RARB: variants seen among roughly 807,000 people sequenced by gnomAD.
RARB encodes retinoic acid receptor beta.
RARB carries 17 observed loss-of-function variants against 51.9 expected under a neutral mutation model. That is an observed-to-expected ratio of 0.33 (90% CI 0.22 to 0.49). The LOEUF (loss-of-function observed/expected upper bound fraction) is 0.49, where lower values mean the gene tolerates loss of function less well. Among genes scored for constraint, RARB ranks in the 20% least tolerant of loss-of-function variants. The probability of loss-of-function intolerance (pLI) is 0.99; values close to 1 mark genes in which losing one functional copy is unlikely to be tolerated. For missense variants in RARB, 369 were observed against 550.8 expected, an observed-to-expected ratio of 0.67 and a Z score of 3.30; for synonymous variants, 215 against 195.4, an observed-to-expected ratio of 1.10 and a Z score of -0.84.
chr3:25,040,778 TTG>T (rs1698096815), intron 2 of RARB, among the ~76,000 whole-genome samples: 1 of 152,134 alleles, frequency 6.6e-6, no homozygotes, highest in Non-Finnish European at 1.5e-5. Flanking sequence ...CAACCAAACT[TTG>T]TAGAACATTT....
intron 5 of RARB, among the ~76,000 whole-genome samples, chr3:25,350,302 G>GT (rs1341483512): frequency 6.6e-6 from 1 of 152,174 alleles, no homozygotes; most frequent in Non-Finnish European, 1.5e-5. Context: ...ACTCCCTACT[G>GT]TTTCGGAGCT....
chr3:24,886,664 A>G (rs904032501), intron 2 of RARB, among the ~76,000 whole-genome samples: 2 of 151,786 alleles, frequency 1.3e-5, no homozygotes, highest in African/African-American at 2.4e-5. Flanking sequence ...CTGGTCTTCA[A>G]CTCCTGAGAG....
chr3:25,027,418 T>C (rs1032850601), intron 2 of RARB, among the ~76,000 whole-genome samples: 5 of 152,140 alleles, frequency 3.3e-5, no homozygotes, highest in African/African-American at 1.2e-4. Context: ...AAAATACATC[T>C]TCCCCCCCAT....
intron 5 of RARB, among the ~76,000 whole-genome samples, chr3:25,205,557 A>G (rs1701518461): frequency 6.6e-6 from 1 of 152,130 alleles, no homozygotes; most frequent in Non-Finnish European, 1.5e-5. Context: ...GTATTCGGCC[A>G]TCTTGGAACA....
At chr3:25,382,615 G>C (rs1465855586) in intron 5 of RARB, among the ~76,000 whole-genome samples, 2 of 152,188 alleles carry the variant, frequency 1.3e-5, no homozygotes, top group Non-Finnish European at 2.9e-5. Context: ...CAGCACTTTG[G>C]GAGGCCAAGG....
chr3:25,429,978 C>G (rs1196486974), intron 1 of RARB, among the ~76,000 whole-genome samples: 1 of 152,104 alleles, frequency 6.6e-6, no homozygotes, highest in Non-Finnish European at 1.5e-5. Context: ...TTGAGTTTTC[C>G]TAATAACATG....
At chr3:25,011,969 T>C (rs913814149) in intron 2 of RARB, among the ~76,000 whole-genome samples, 4 of 152,126 alleles carry the variant, frequency 2.6e-5, no homozygotes, top group Non-Finnish European at 5.9e-5. Context: ...GGGATTCTGA[T>C]ATTAACAGGG....
At chr3:25,517,834 T>C (rs1327852558) in intron 3 of RARB, among the ~76,000 whole-genome samples, 2 of 152,144 alleles carry the variant, frequency 1.3e-5, no homozygotes, top group East Asian at 1.9e-4. Flanking sequence ...AATATTGATA[T>C]ATGGTACGAC....
intron 5 of RARB, among the ~76,000 whole-genome samples, chr3:25,389,599 G>A (rs1045648895): frequency 3.6e-4 from 55 of 152,250 alleles, no homozygotes; most frequent in Middle Eastern, 3.4e-3. Context: ...GAGGGCCAGC[G>A]CAGAGAACTG....
At chr3:25,185,195 G>A (rs551825051) in intron 5 of RARB, among the ~76,000 whole-genome samples, 1 of 152,144 alleles carries the variant, frequency 6.6e-6, no homozygotes, top group African/African-American at 2.4e-5. Context: ...TCCTAAGTTT[G>A]GGTATTAGAA....
intron 5 of RARB, among the ~76,000 whole-genome samples, chr3:25,405,602 C>G (rs532165327): frequency 3.2e-4 from 48 of 152,294 alleles, no homozygotes; most frequent in Admixed American, 2.8e-3. Context: ...CACTCTAGAT[C>G]TGTGTTGTAA....
chr3:25,446,802 C>CAAAAAAAAAAAA (rs5847356), intron 1 of RARB, among the ~76,000 whole-genome samples: 8 of 69,072 alleles, frequency 1.2e-4, no homozygotes, highest in African/African-American at 3.2e-4. Flanking sequence ...GACTCCGTCT[C>CAAAAAAAAAAAA]AAAAAAAAAA....
chr3:25,442,717 G>A (rs1428498079), intron 1 of RARB, among the ~76,000 whole-genome samples: 4 of 152,052 alleles, frequency 2.6e-5, no homozygotes, highest in Non-Finnish European at 4.4e-5. Context: ...TTCCTTCTGG[G>A]TGGAACTATT....
At chr3:25,363,690 C>T (rs1680677046) in intron 5 of RARB, among the ~76,000 whole-genome samples, 1 of 152,168 alleles carries the variant, frequency 6.6e-6, no homozygotes, top group African/African-American at 2.4e-5. Context: ...TTGCCTCCAC[C>T]CTTTCCATGC....
chr3:25,003,949 C>A (rs1483566363), intron 2 of RARB, among the ~76,000 whole-genome samples: 1 of 152,150 alleles, frequency 6.6e-6, no homozygotes, highest in African/African-American at 2.4e-5. Flanking sequence ...TTGGCCTCAT[C>A]AGAGCATGCA....
intron 5 of RARB, among the ~76,000 whole-genome samples, chr3:25,181,305 G>C: frequency 6.6e-6 from 1 of 152,124 alleles, no homozygotes; most frequent in East Asian, 1.9e-4. Context: ...TAAGTACTCT[G>C]ATTTACTATG....
At chr3:24,903,064 T>A (rs7617167) in intron 2 of RARB, among the ~76,000 whole-genome samples, 1 of 151,986 alleles carries the variant, frequency 6.6e-6, no homozygotes, top group Non-Finnish European at 1.5e-5. Context: ...TTTGACATGC[T>A]TTCAAATTTT....
chr3:25,548,114 T>TG, intron 3 of RARB, among the ~76,000 whole-genome samples: 1 of 151,446 alleles, frequency 6.6e-6, no homozygotes, highest in African/African-American at 2.4e-5. Context: ...TTTTTTTTTT[T>TG]TTTTTGAAGT....
At chr3:25,026,050 T>C (rs1048374695) in intron 2 of RARB, among the ~76,000 whole-genome samples, 1 of 152,124 alleles carries the variant, frequency 6.6e-6, no homozygotes, top group Non-Finnish European at 1.5e-5. Flanking sequence ...TGAAATGGAA[T>C]AGTACAAAGT....
Sources: allele counts gnomAD v4.1 joint callset (sites outside exome capture counted in the v4.1 genomes callset), GRCh38; gene constraint gnomAD v4.1.1; transcripts MANE v1.5; gene names NCBI Gene and HGNC (gene_info 2026-07-23, HGNC 2026-07-21).